Variants in ANO3 observed in about 807,000 individuals in gnomAD.
ANO3 encodes anoctamin 3.
ANO3 carries 99 observed loss-of-function variants against 144.8 expected under a neutral mutation model. The observed-to-expected ratio is 0.68, with a 90% confidence interval of 0.58 to 0.81. The LOEUF (loss-of-function observed/expected upper bound fraction) is 0.81, where lower values mean the gene tolerates loss of function less well. ANO3 is among the 30% of genes least tolerant of loss of function. The pLI, the probability that ANO3 is intolerant of heterozygous loss-of-function variation, is 0.00. For missense variants in ANO3, 905 were observed against 1,202.2 expected, an observed-to-expected ratio of 0.75 and a Z score of 3.66; for synonymous variants, 414 against 392.6, an observed-to-expected ratio of 1.05 and a Z score of -0.64.
At chr11:26,323,588 T>C (rs1854813414) in intron 1 of ANO3, among the ~76,000 whole-genome samples, 1 of 152,164 alleles carries the variant, frequency 6.6e-6, no homozygotes, top group Admixed American at 6.6e-5. Flanking sequence ...ACACGTGGGC[T>C]TCCTGTGCTC....
chr11:26,237,709 A>C (rs1852565472), intron 1 of ANO3, among the ~76,000 whole-genome samples: 1 of 152,120 alleles, frequency 6.6e-6, no homozygotes, highest in Non-Finnish European at 1.5e-5. Flanking sequence ...AAATTTCTAA[A>C]GTAGTCTTTT....
chr11:26,211,412 T>G (rs1851929424), intron 1 of ANO3, among the ~76,000 whole-genome samples: 1 of 151,796 alleles, frequency 6.6e-6, no homozygotes, highest in South Asian at 2.1e-4. Flanking sequence ...GGGAAACAGA[T>G]CTAAAATCGA....
intron 1 of ANO3, among the ~76,000 whole-genome samples, chr11:26,296,541 G>T (rs1245406502): frequency 6.6e-6 from 1 of 152,114 alleles, no homozygotes; most frequent in East Asian, 1.9e-4. Context: ...TTGAATCTGA[G>T]ATTAGTTTTA....
At chr11:26,380,325 G>A (rs1323204079) in intron 1 of ANO3, among the ~76,000 whole-genome samples, 1 of 152,144 alleles carries the variant, frequency 6.6e-6, no homozygotes, top group Non-Finnish European at 1.5e-5. Context: ...TTCTTTGCCA[G>A]TTTTAAAGGG....
At chr11:26,335,825 C>T (rs910140805) in intron 1 of ANO3, among the ~76,000 whole-genome samples, 1 of 152,168 alleles carries the variant, frequency 6.6e-6, no homozygotes, top group Non-Finnish European at 1.5e-5. Flanking sequence ...CAACTCTGCA[C>T]TTCTGTAGGA....
At chr11:26,258,431 C>T (rs976043985) in intron 1 of ANO3, among the ~76,000 whole-genome samples, 5 of 152,144 alleles carry the variant, frequency 3.3e-5, no homozygotes, top group South Asian at 4.1e-4. Context: ...AAGCTATGAG[C>T]GAGAATACTT....
At chr11:26,271,590 G>A (rs562218683) in intron 1 of ANO3, among the ~76,000 whole-genome samples, 86 of 151,924 alleles carry the variant, frequency 5.7e-4, no homozygotes, top group African/African-American at 2.0e-3. Flanking sequence ...ACCCTTCATT[G>A]TCTTATTGTC....
At chr11:26,492,015 A>C (rs2134107798) in intron 4 of ANO3, among the ~76,000 whole-genome samples, 1 of 152,338 alleles carries the variant, frequency 6.6e-6, no homozygotes, top group East Asian at 1.9e-4. Flanking sequence ...ATTTTAAATC[A>C]ATCATAATAA....
chr11:26,392,252 T>C (rs1856901406), intron 1 of ANO3, among the ~76,000 whole-genome samples: 1 of 151,700 alleles, frequency 6.6e-6, no homozygotes. Flanking sequence ...TTTTTTTTTT[T>C]TTTTAAGAAT....
chr11:26,642,571 C>CA (rs5790602), intron 22 of ANO3, among the ~76,000 whole-genome samples: 57,170 of 151,340 alleles, frequency 0.38, 11,652 homozygotes, highest in South Asian at 0.49. Flanking sequence ...AGGCTGGTCT[C>CA]AACTCCTGAC....
At chr11:26,309,382 G>T (rs753537169), upstream of ANO3, among the ~76,000 whole-genome samples, 2 of 152,156 alleles carry the variant, frequency 1.3e-5, no homozygotes, top group Non-Finnish European at 2.9e-5. Flanking sequence ...TCCATTCTAA[G>T]CTGTTTCAAA....
intron 14 of ANO3, among the ~76,000 whole-genome samples, chr11:26,584,469 G>C (rs924353934): frequency 5.9e-5 from 9 of 152,198 alleles, no homozygotes; most frequent in Admixed American, 5.2e-4. Flanking sequence ...ATTCCTTGAA[G>C]CATAATTTGA....
chr11:26,591,877 AT>A lies in ANO3; in HGVS notation c.1448-6487del, dbSNP rs201926399. ...GTATCCAGGGTTTGACTTGAGCGTG[AT>A]GTATCCAAGACTCCACTCCAGCCAC... On this transcript the variant is annotated intron_variant, in intron 14 of 26. Coordinates refer to ENST00000256737, the MANE Select transcript of ANO3 (RefSeq NM_031418.4). 8.3e-3 allele frequency among the ~76,000 whole-genome samples: 1,266 copies of A among 152,200 alleles called. 14 individuals are homozygous for A. The highest frequency in any genetic ancestry group is 0.029 in the African/African-American group (1,194 of 41,530).
upstream of ANO3, chr11:26,331,987 A>G: frequency 1.4e-6 from 1 of 725,450 alleles, no homozygotes; most frequent in Non-Finnish European, 2.1e-6. Context: ...CTCCCAGCCA[A>G]CCCCGCTCAA....
At chr11:26,602,171 A>T (rs61878591) in intron 17 of ANO3, among the ~76,000 whole-genome samples, 20,698 of 152,160 alleles carry the variant, frequency 0.14, 1,710 homozygotes, top group South Asian at 0.18. Context: ...CCACAGATGG[A>T]CAGAAGCACA....
chr11:26,280,328 TA>T (rs1397439598), intron 1 of ANO3, among the ~76,000 whole-genome samples: 1 of 152,102 alleles, frequency 6.6e-6, no homozygotes, highest in Non-Finnish European at 1.5e-5. Flanking sequence ...ACAGAACTAA[TA>T]GGATAGATGT....
chr11:26,500,334 T>G (rs899310613), intron 4 of ANO3, among the ~76,000 whole-genome samples: 1 of 152,100 alleles, frequency 6.6e-6, no homozygotes, highest in Non-Finnish European at 1.5e-5. Flanking sequence ...GGAGTGAAAC[T>G]GATAGTGTTG....
At chr11:26,227,247 TA>T (rs1223383819) in intron 1 of ANO3, among the ~76,000 whole-genome samples, 1 of 152,174 alleles carries the variant, frequency 6.6e-6, no homozygotes, top group Non-Finnish European at 1.5e-5. Flanking sequence ...ATAAAGTTGT[TA>T]AAAACATGAA....
Position 26,598,386 on chromosome 11 carries a change from G to A in ANO3, c.1469G>A (p.Trp490Ter). ...ATAGCCACAGTCTTCCTGGAGTTTT[G>A]GAAAAGGAGAAGGAGTATACTGACC... ...AIWATVFLEFWKRRRSILTYT... is the reference protein window; with the variant it reads ...AIWATVFLEF Residue 490 changes from tryptophan to a stop codon, truncating the protein, a stop_gained, in exon 15 of 27, where the codon TGG (tryptophan) becomes TAG (stop). Transcript: ENST00000256737. LOFTEE classifies it high-confidence loss of function. 1 of 1,549,384 alleles carries A rather than the reference G, an allele frequency of 6.5e-7. No individual in the cohort carries two copies. The highest frequency in any genetic ancestry group is 8.7e-7 in the Non-Finnish European group (1 of 1,149,100).
Sources: allele counts gnomAD v4.1 joint callset (sites outside exome capture counted in the v4.1 genomes callset), GRCh38; gene constraint gnomAD v4.1.1; transcripts MANE v1.5; gene names NCBI Gene and HGNC (gene_info 2026-07-23, HGNC 2026-07-21).